NTRK2: variants seen among roughly 807,000 people sequenced by gnomAD.
The protein encoded by NTRK2 is BDNF/NT-3 growth factors receptor.
Under a neutral mutation model 94.5 loss-of-function variants are expected in NTRK2, and 13 were observed. The observed-to-expected ratio is 0.14, with a 90% confidence interval of 0.09 to 0.22. The LOEUF (loss-of-function observed/expected upper bound fraction) is 0.22. Ranked by LOEUF, NTRK2 falls within the 10% of genes least tolerant of loss-of-function variation. The probability of loss-of-function intolerance (pLI) is 1.00; values close to 1 mark genes in which losing one functional copy is unlikely to be tolerated. For missense variants in NTRK2, 639 were observed against 1,071.2 expected (o/e 0.60, Z 5.63); for synonymous variants, 372 against 407.4 (o/e 0.91, Z 1.05).
intron 6 of NTRK2, among the ~76,000 whole-genome samples, chr9:84,719,420 T>C (rs536925396): frequency 6.6e-6 from 1 of 152,290 alleles, no homozygotes; most frequent in African/African-American, 2.4e-5. Context: ...TTATGTAAGC[T>C]TGAGTTTGAA....
chr9:84,710,686 A>G lies in NTRK2; in HGVS notation c.478A>G (p.Lys160Glu). 1.2e-6 allele frequency: 2 copies of G among 1,614,162 alleles called. No homozygotes were observed. The highest frequency in any genetic ancestry group is 1.7e-6 in the Non-Finnish European group (2 of 1,180,010). ...FTCSCDIMWIKTLQEAKSSPD... is the reference protein window; with the variant it reads ...FTCSCDIMWIETLQEAKSSPD... ...ATGCTCCTGTGACATTATGTGGATC[A>G]AGACTCTCCAAGAGGCTAAATCCAG... is the stretch of plus-strand genomic sequence containing the variant. The change falls in exon 6 of 19, where the codon AAG becomes GAG. Residue 160 changes from lysine (K) to glutamate (E), a missense_variant. Around this residue, in one of 5 missense-constraint regions of NTRK2, gnomAD observed 206 missense variants for 251.5 expected, o/e 0.82. Transcript: ENST00000277120.
intron 12 of NTRK2, among the ~76,000 whole-genome samples, chr9:84,823,761 T>G (rs1318768887): frequency 1.3e-5 from 2 of 152,220 alleles, no homozygotes; most frequent in African/African-American, 4.8e-5. Flanking sequence ...GGCAAGACCC[T>G]TCACATTTTT....
At chr9:84,788,855 G>C (rs1417784306) in intron 12 of NTRK2, among the ~76,000 whole-genome samples, 3 of 152,116 alleles carry the variant, frequency 2.0e-5, no homozygotes, top group Non-Finnish European at 4.4e-5. Flanking sequence ...CTACCTCCCA[G>C]GCAGTGAGAA....
chr9:84,924,233 A>AAGAAAGAAAGT (rs2077669182), intron 14 of NTRK2, among the ~76,000 whole-genome samples: 1 of 34,772 alleles, frequency 2.9e-5, no homozygotes, highest in Non-Finnish European at 6.6e-5. Context: ...AGAAAGTAGA[A>AAGAAAGAAAGT]AGAAAGAAAG....
intron 6 of NTRK2, among the ~76,000 whole-genome samples, chr9:84,713,855 T>A (rs1445703242): frequency 6.6e-6 from 1 of 151,976 alleles, no homozygotes; most frequent in Non-Finnish European, 1.5e-5. Flanking sequence ...CATGTTATTC[T>A]TAAATTTCAC....
At chr9:84,820,373 T>C (rs1168229395) in intron 12 of NTRK2, among the ~76,000 whole-genome samples, 1 of 152,066 alleles carries the variant, frequency 6.6e-6, no homozygotes, top group Non-Finnish European at 1.5e-5. Context: ...TTTCACCATG[T>C]TGGCCAGGCT....
At chr9:84,908,986 A>C (rs914355814) in intron 14 of NTRK2, among the ~76,000 whole-genome samples, 18 of 152,160 alleles carry the variant, frequency 1.2e-4, no homozygotes, top group African/African-American at 4.1e-4. Context: ...GTACAATATC[A>C]CAAAGCTATG....
chr9:84,955,220 G>A, intron 16 of NTRK2, 63 bp from the exon 17 acceptor site: 11 of 1,394,354 alleles, frequency 7.9e-6, no homozygotes, highest in Admixed American at 2.0e-5. Flanking sequence ...AGGGGCAGGG[G>A]CAAAGGGCCC....
intron 12 of NTRK2, among the ~76,000 whole-genome samples, chr9:84,835,805 ATTTCT>A (rs1378488740): frequency 6.6e-6 from 1 of 152,248 alleles, no homozygotes; most frequent in African/African-American, 2.4e-5. Context: ...AACGTAAGGC[ATTTCT>A]TTTCTTATTT....
At chr9:84,747,473 GTTTTTT>G (rs766939495) in intron 11 of NTRK2, among the ~76,000 whole-genome samples, 1 of 122,366 alleles carries the variant, frequency 8.2e-6, no homozygotes, top group South Asian at 2.7e-4. Context: ...AGTTTTCTGG[GTTTTTT>G]TTTTTTTTTT....
intron 14 of NTRK2, among the ~76,000 whole-genome samples, chr9:84,907,045 G>A (rs562328564): frequency 9.2e-5 from 14 of 152,252 alleles, no homozygotes; most frequent in East Asian, 5.8e-4. Flanking sequence ...GAGGGTCACC[G>A]CACTTGTGGC....
intron 12 of NTRK2, among the ~76,000 whole-genome samples, chr9:84,848,722 C>T (rs188296671): frequency 3.5e-4 from 54 of 152,218 alleles, no homozygotes; most frequent in Non-Finnish European, 6.8e-4. Flanking sequence ...CCAACATACC[C>T]GGCGCCAAAT....
At chr9:84,741,529 T>C (rs1397949069) in intron 9 of NTRK2, among the ~76,000 whole-genome samples, 1 of 152,212 alleles carries the variant, frequency 6.6e-6, no homozygotes, top group Admixed American at 6.5e-5. Flanking sequence ...GAAAATTATT[T>C]GTCTCTGGAA....
chr9:84,763,908 C>T (rs1182790695), intron 12 of NTRK2, among the ~76,000 whole-genome samples: 2 of 151,862 alleles, frequency 1.3e-5, no homozygotes, highest in African/African-American at 4.8e-5. Context: ...CTTACACTGG[C>T]TATTTGAAGA....
At chr9:84,975,278 C>T (rs1209659059) in intron 17 of NTRK2, among the ~76,000 whole-genome samples, 1 of 152,096 alleles carries the variant, frequency 6.6e-6, no homozygotes, top group Admixed American at 6.5e-5. Context: ...GGTTGCTAGG[C>T]AATCACTTCT....
Position 84,814,650 on chromosome 9 carries a change from T to C in NTRK2, c.1397-46390T>C, listed in dbSNP as rs1588786983. The C allele has an allele frequency of 2.8e-6, 3 of 1,065,462 alleles. No homozygotes were observed. In the East Asian group the frequency reaches 1.5e-4, roughly 53 times the overall value. 66.0% of individuals were successfully genotyped at this position (1,065,462 alleles called of 1,614,324 possible). On this transcript the variant is annotated intron_variant, in intron 12 of 18. Coordinates refer to ENST00000277120, the MANE Select transcript of NTRK2 (RefSeq NM_006180.6). ...TGTTTTGGTGCTAGCTGTCTAGAAC[T>C]TCTCTCTTGGTTTGAATCTGATTCC...
At chr9:84,740,998 A>G (rs754919120) in intron 9 of NTRK2, among the ~76,000 whole-genome samples, 1 of 152,248 alleles carries the variant, frequency 6.6e-6, no homozygotes. Flanking sequence ...CATAGGAAAT[A>G]GCTTTGGAAA....
In NTRK2 at chr9:84,710,796, T is replaced by A; in HGVS notation, c.583+5T>A. 1 of 1,614,026 alleles carries A rather than the reference T, an allele frequency of 6.2e-7. No homozygotes were observed. Among genetic ancestry groups the A allele is most frequent in the South Asian group, 1.1e-5 (1 of 91,080 alleles). ...ACCTGCAGATACCCAATTGTGGTAA[T>A]TTATTTTTAAATCAATGTGTTCTAG... On this transcript the variant is annotated splice_donor_5th_base_variant and intron_variant, in intron 6 of 18. Transcript: ENST00000277120.
intron 12 of NTRK2, among the ~76,000 whole-genome samples, chr9:84,788,463 C>T (rs1241958974): frequency 6.6e-6 from 1 of 152,144 alleles, no homozygotes; most frequent in East Asian, 1.9e-4. Context: ...CATGTTGTGT[C>T]ATCAATGTCT....
Sources: gnomAD v4.1 joint callset for allele counts (sites outside exome capture counted in the v4.1 genomes callset) on GRCh38, gnomAD v4.1.1 for gene constraint, gnomAD v4.1.1 regional missense constraint, MANE v1.5 for transcripts, NCBI Gene and HGNC (gene_info 2026-07-23, HGNC 2026-07-21) for gene names.